DENND4A: variants seen among roughly 807,000 people sequenced by gnomAD.
DENND4A encodes DENN domain containing 4A, also known as C-myc promoter-binding protein.
In DENND4A, 70 loss-of-function variants were observed where a neutral mutation model predicts 199.3. The observed-to-expected ratio is 0.35, with a 90% confidence interval of 0.29 to 0.43. DENND4A has a LOEUF of 0.43. DENND4A is among the 20% of genes least tolerant of loss of function. The probability of loss-of-function intolerance (pLI) is 1.00; values close to 1 mark genes in which losing one functional copy is unlikely to be tolerated. For synonymous variants in DENND4A, 686 were observed against 766.9 expected (o/e 0.89, Z 1.74); for missense variants, 1,723 against 2,255.8 (o/e 0.76, Z 4.78).
At chr15:65,721,378 T>G (rs1465765208) in intron 12 of DENND4A, among the ~76,000 whole-genome samples, 1 of 152,084 alleles carries the variant, frequency 6.6e-6, no homozygotes, top group Non-Finnish European at 1.5e-5. Flanking sequence ...CCAACTACAC[T>G]ATACACTATG....
Position 65,664,373 on chromosome 15 carries a change from T to C in DENND4A, c.5544A>G (p.Leu1848=). ...TTCCCAGTGCCACAAGTGAGAGAAA[T>C]AGTATTTCTCTGTATAAACTCCTAG... The part of the protein sequence containing the change: ...KRQRSLYREI[L]FLSLVALGRE... The change falls in exon 32 of 33, where the codon CTA becomes CTG. Residue 1848 remains leucine (L), a synonymous_variant. Coordinates refer to ENST00000443035, the MANE Select transcript of DENND4A (RefSeq NM_001320835.1). The C allele has an allele frequency of 6.2e-7, 1 of 1,603,060 alleles. No homozygotes were observed. The highest frequency in any genetic ancestry group is 1.7e-5 in the Admixed American group (1 of 59,134).
chr15:65,704,714 C>G (rs1360040257), intron 15 of DENND4A, among the ~76,000 whole-genome samples: 2 of 152,120 alleles, frequency 1.3e-5, no homozygotes, highest in Non-Finnish European at 2.9e-5. Context: ...CCTCGGCCTC[C>G]CAAGCAGCTG....
intron 1 of DENND4A, among the ~76,000 whole-genome samples, chr15:65,763,382 A>G (rs1050450331): frequency 6.6e-6 from 1 of 152,176 alleles, no homozygotes; most frequent in South Asian, 2.1e-4. Flanking sequence ...GTAAGGGCAT[A>G]AACTGAGTCA....
At chr15:65,756,897 C>T (rs1414346981) in intron 2 of DENND4A, among the ~76,000 whole-genome samples, 6 of 151,958 alleles carry the variant, frequency 3.9e-5, no homozygotes, top group South Asian at 2.1e-4. Flanking sequence ...ATTAGCTGGG[C>T]GTGGTGGCAG....
chr15:65,756,347 C>A lies in DENND4A; in HGVS notation c.104G>T (p.Cys35Phe). The A allele has an allele frequency of 6.2e-7, 1 of 1,613,852 alleles. No individual in the cohort carries two copies. The highest frequency in any genetic ancestry group is 1.3e-5 in the African/African-American group (1 of 75,036). Reference protein sequence around the residue: ...LEEEIHFNDACHKVAKPKEPI... With the variant: ...LEEEIHFNDAFHKVAKPKEPI... ...TTCTTTTGGTTTAGCTACTTTATGACAAGCATCATTGAAGTGAATTTCTTC... is the reference window on the plus strand; with the variant it reads ...TTCTTTTGGTTTAGCTACTTTATGAAAAGCATCATTGAAGTGAATTTCTTC... Residue 35 changes from cysteine to phenylalanine, a missense_variant, in exon 3 of 33, where the codon TGT (cysteine) becomes TTT (phenylalanine). Coordinates refer to ENST00000443035, the MANE Select transcript of DENND4A (RefSeq NM_001320835.1).
At chr15:65,734,052 G>A (rs191125812) in intron 7 of DENND4A, among the ~76,000 whole-genome samples, 40 of 152,286 alleles carry the variant, frequency 2.6e-4, no homozygotes, top group African/African-American at 8.7e-4. Context: ...AGACCTGACC[G>A]TCCCCTAGCC....
chr15:65,738,611 A>T, intron 6 of DENND4A, 95 bp downstream of exon 6: 1 of 1,074,822 alleles, frequency 9.3e-7, no homozygotes, highest in Admixed American at 2.6e-5. Context: ...ATAATCATTC[A>T]ATTTAATCAG....
intron 7 of DENND4A, 69 bp downstream of exon 7, chr15:65,737,638 G>A: frequency 6.8e-7 from 1 of 1,466,958 alleles, no homozygotes; most frequent in Non-Finnish European, 9.1e-7. Flanking sequence ...AATTTACCCA[G>A]TTGCCGACAC....
chr15:65,770,859 G>C (rs1416578006), intron 1 of DENND4A, among the ~76,000 whole-genome samples: 1 of 152,038 alleles, frequency 6.6e-6, no homozygotes, highest in Admixed American at 6.6e-5. Flanking sequence ...TACATGACAA[G>C]GGAAAAAATG....
intron 1 of DENND4A, among the ~76,000 whole-genome samples, chr15:65,764,841 T>C (rs2092253067): frequency 6.6e-6 from 1 of 151,556 alleles, no homozygotes; most frequent in African/African-American, 2.4e-5. Flanking sequence ...GGTGTGGTAG[T>C]GTGCACTATA....
At chr15:65,784,631 G>T (rs977475322) in intron 1 of DENND4A, among the ~76,000 whole-genome samples, 2 of 152,048 alleles carry the variant, frequency 1.3e-5, no homozygotes, top group Non-Finnish European at 2.9e-5. Context: ...ATAGTGGGTT[G>T]GACAAAAACA....
chr15:65,696,630 C>T (rs192539282), intron 21 of DENND4A, 133 bp from the exon 22 acceptor site: 5 of 572,804 alleles, frequency 8.7e-6, no homozygotes, highest in Non-Finnish European at 1.5e-5. Context: ...ACCTCTATAT[C>T]TGTTTGTCAA....
At chr15:65,747,173 T>A (rs145142370) in intron 4 of DENND4A, among the ~76,000 whole-genome samples, 1 of 151,916 alleles carries the variant, frequency 6.6e-6, no homozygotes, top group East Asian at 1.9e-4. Flanking sequence ...TGCCAAAAAT[T>A]AGCTGTGTGT....
At chr15:65,725,475 G>A (rs1273567032) in intron 11 of DENND4A, among the ~76,000 whole-genome samples, 1 of 152,114 alleles carries the variant, frequency 6.6e-6, no homozygotes, top group Non-Finnish European at 1.5e-5. Context: ...AGGAGATGGA[G>A]ACCATCCTGG....
intron 24 of DENND4A, among the ~76,000 whole-genome samples, chr15:65,672,955 G>A (rs1317258196): frequency 6.6e-6 from 1 of 151,678 alleles, no homozygotes; most frequent in African/African-American, 2.4e-5. Context: ...CCGCCTCCTG[G>A]GTTCAAGCAA....
At chr15:65,743,317 C>T (rs1437220663) in intron 4 of DENND4A, among the ~76,000 whole-genome samples, 2 of 152,332 alleles carry the variant, frequency 1.3e-5, no homozygotes, top group South Asian at 2.1e-4. Flanking sequence ...TGCTTTAAGA[C>T]ACACCATTTT....
intron 4 of DENND4A, among the ~76,000 whole-genome samples, chr15:65,742,424 C>A (rs1470926265): frequency 2.0e-5 from 3 of 151,522 alleles, no homozygotes; most frequent in African/African-American, 7.3e-5. Flanking sequence ...GCTGGGATTA[C>A]AGGCACGTGC....
At chr15:65,684,544 T>C in intron 23 of DENND4A, among the ~76,000 whole-genome samples, 1 of 152,364 alleles carries the variant, frequency 6.6e-6, no homozygotes, top group South Asian at 2.1e-4. Flanking sequence ...TAGATCTATT[T>C]TTAACTTGGG....
chr15:65,778,452 T>TAAAAAAAAAAAAAAA (rs565036538), intron 1 of DENND4A, among the ~76,000 whole-genome samples: 1 of 89,648 alleles, frequency 1.1e-5, no homozygotes, highest in Non-Finnish European at 2.4e-5. Context: ...TACAGTGACC[T>TAAAAAAAAAAAAAAA]AAAAAAAAAA....
Sources: allele counts gnomAD v4.1 joint callset (sites outside exome capture counted in the v4.1 genomes callset), GRCh38; gene constraint gnomAD v4.1.1; transcripts MANE v1.5; gene names NCBI Gene and HGNC (gene_info 2026-07-23, HGNC 2026-07-21).